The following FSTL5 variants were observed in gnomAD, a reference collection of about 807,000 sequenced individuals.
FSTL5 encodes follistatin like 5.
Under a neutral mutation model 89.1 loss-of-function variants are expected in FSTL5, and 62 were observed. That is an observed-to-expected ratio of 0.70 (90% CI 0.57 to 0.86). FSTL5 has a LOEUF of 0.86. FSTL5 is among the 40% of genes least tolerant of loss of function. The pLI, the probability that FSTL5 is intolerant of heterozygous loss-of-function variation, is 0.00. For missense variants in FSTL5, 1,057 were observed against 1,001.6 expected (o/e 1.06, Z -0.75); for synonymous variants, 383 against 346.2 (o/e 1.11, Z -1.18).
chr4:161,695,485 A>G (rs1318383368), intron 6 of FSTL5, among the ~76,000 whole-genome samples: 2 of 138,178 alleles, frequency 1.4e-5, no homozygotes, highest in East Asian at 4.0e-4. Flanking sequence ...TATATCATAT[A>G]TATATATATC....
At chr4:161,610,165 A>T (rs1734586207) in intron 7 of FSTL5, among the ~76,000 whole-genome samples, 1 of 152,154 alleles carries the variant, frequency 6.6e-6, no homozygotes, top group Admixed American at 6.5e-5. Context: ...CTAGTAAAAA[A>T]AAAAGGATAA....
At chr4:162,146,597 A>G (rs1027449258) in intron 1 of FSTL5, among the ~76,000 whole-genome samples, 6 of 151,646 alleles carry the variant, frequency 4.0e-5, no homozygotes, top group African/African-American at 7.3e-5. Context: ...TAATAAACCA[A>G]TGCCAATACC....
chr4:161,556,018 G>A (rs956708603), intron 8 of FSTL5, among the ~76,000 whole-genome samples: 1 of 151,578 alleles, frequency 6.6e-6, no homozygotes, highest in African/African-American at 2.4e-5. Context: ...GGAGGAAGTG[G>A]AAGCATGACG....
At chr4:161,624,490 A>T (rs1163451270) in intron 7 of FSTL5, among the ~76,000 whole-genome samples, 1 of 151,816 alleles carries the variant, frequency 6.6e-6, no homozygotes, top group Non-Finnish European at 1.5e-5. Context: ...ATGTATATTT[A>T]TCATTTATAA....
intron 4 of FSTL5, among the ~76,000 whole-genome samples, chr4:161,888,121 A>T (rs1379943701): frequency 6.6e-6 from 1 of 152,086 alleles, no homozygotes; most frequent in Non-Finnish European, 1.5e-5. Flanking sequence ...AGACTAATAC[A>T]TTTCCCAAAC....
At chr4:161,926,372 T>C (rs1158388) in intron 3 of FSTL5, among the ~76,000 whole-genome samples, 95,333 of 150,346 alleles carry the variant, frequency 0.63, 30,336 homozygotes, top group Middle Eastern at 0.72. Flanking sequence ...AGCTTCTTCA[T>C]GTAATTCTGC....
chr4:161,645,836 A>G (rs1249300565), intron 7 of FSTL5, among the ~76,000 whole-genome samples: 1 of 152,106 alleles, frequency 6.6e-6, no homozygotes, highest in Non-Finnish European at 1.5e-5. Context: ...CCTCAGGCCT[A>G]TATTAAAAAT....
intron 3 of FSTL5, among the ~76,000 whole-genome samples, chr4:161,975,681 C>T (rs1735616308): frequency 6.6e-6 from 1 of 150,684 alleles, no homozygotes; most frequent in African/African-American, 2.5e-5. Flanking sequence ...TGCAGCGCAC[C>T]AGCATGGCAC....
intron 4 of FSTL5, among the ~76,000 whole-genome samples, chr4:161,834,166 A>G (rs908041865): frequency 6.6e-5 from 10 of 152,132 alleles, no homozygotes; most frequent in East Asian, 3.9e-4. Context: ...ATCAATAAAT[A>G]TAATCCAGCA....
chr4:161,979,654 A>G (rs1441561026), intron 3 of FSTL5, among the ~76,000 whole-genome samples: 1 of 152,070 alleles, frequency 6.6e-6, no homozygotes, highest in Non-Finnish European at 1.5e-5. Context: ...ATAATATCAA[A>G]TTGTACAAAG....
At chr4:161,891,314 T>A (rs908408835) in intron 4 of FSTL5, among the ~76,000 whole-genome samples, 6 of 152,158 alleles carry the variant, frequency 3.9e-5, no homozygotes, top group Admixed American at 1.3e-4. Flanking sequence ...TTCTTTTTCA[T>A]ACCCACAATA....
chr4:161,886,410 CT>C (rs1164483095), intron 4 of FSTL5, among the ~76,000 whole-genome samples: 1 of 152,170 alleles, frequency 6.6e-6, no homozygotes, highest in Non-Finnish European at 1.5e-5. Context: ...CTAGAGTCTT[CT>C]TCAGTGAACT....
intron 4 of FSTL5, among the ~76,000 whole-genome samples, chr4:161,872,140 G>GTTTTTTTTTTTTTTTTT (rs1491313878): frequency 1.2e-4 from 8 of 67,504 alleles, no homozygotes; most frequent in Non-Finnish European, 1.7e-4. Context: ...TTTTTTTTTT[G>GTTTTTTTTTTTTTTTTT]GTTTTTTTTT....
intron 15 of FSTL5, among the ~76,000 whole-genome samples, chr4:161,416,029 C>T (rs150954735): frequency 3.7e-4 from 57 of 152,004 alleles, no homozygotes; most frequent in African/African-American, 1.3e-3. Flanking sequence ...ACTCTAATTC[C>T]ACATCTTTAT....
chr4:161,427,179 T>C (rs1287149824), intron 15 of FSTL5, among the ~76,000 whole-genome samples: 1 of 152,238 alleles, frequency 6.6e-6, no homozygotes, highest in African/African-American at 2.4e-5. Flanking sequence ...TATTCTTACT[T>C]TTAATTCAGT....
At chr4:161,729,833 G>A (rs947521757) in intron 6 of FSTL5, among the ~76,000 whole-genome samples, 16 of 152,248 alleles carry the variant, frequency 1.1e-4, no homozygotes, top group Non-Finnish European at 2.2e-4. Flanking sequence ...AGATGGAGGG[G>A]TATTGTATGC....
intron 7 of FSTL5, among the ~76,000 whole-genome samples, chr4:161,651,610 C>T (rs2126678237): frequency 6.6e-6 from 1 of 152,234 alleles, no homozygotes; most frequent in Non-Finnish European, 1.5e-5. Context: ...CAATGTGCCT[C>T]ATACAGTGTT....
At chr4:162,003,192 T>C (rs1736516838) in intron 3 of FSTL5, among the ~76,000 whole-genome samples, 1 of 152,176 alleles carries the variant, frequency 6.6e-6, no homozygotes, top group East Asian at 1.9e-4. Context: ...TTTATCTCAA[T>C]TTAATTCATA....
intron 2 of FSTL5, among the ~76,000 whole-genome samples, chr4:162,051,425 AGATATAAATAATAT>A (rs1738375306): frequency 6.6e-6 from 1 of 151,640 alleles, no homozygotes; most frequent in African/African-American, 2.4e-5. Flanking sequence ...GAATCACTTG[AGATATAAATAATAT>A]GAAAAGGAAG....
Sources: allele counts gnomAD v4.1 joint callset (sites outside exome capture counted in the v4.1 genomes callset), GRCh38; gene constraint gnomAD v4.1.1; transcripts MANE v1.5; gene names NCBI Gene and HGNC (gene_info 2026-07-23, HGNC 2026-07-21).